The following AAK1 variants were observed in gnomAD, a reference collection of about 807,000 sequenced individuals.
The protein encoded by AAK1 is AP2-associated protein kinase 1.
AAK1 carries 37 observed loss-of-function variants against 116.0 expected under a neutral mutation model. That is an observed-to-expected ratio of 0.32 (90% CI 0.25 to 0.42). The LOEUF is 0.42. Ranked by LOEUF, AAK1 falls within the 10% of genes least tolerant of loss-of-function variation. The probability of loss-of-function intolerance (pLI) is 1.00; values close to 1 mark genes in which losing one functional copy is unlikely to be tolerated. For synonymous variants in AAK1, 458 were observed against 439.9 expected, an observed-to-expected ratio of 1.04 and a Z score of -0.51; for missense variants, 919 against 1,170.6, an observed-to-expected ratio of 0.79 and a Z score of 3.14.
rs553893183 is a variant in AAK1 at position 69,526,705 on chromosome 2, T to G, written c.975+511A>C. 4.6e-5 allele frequency among the ~76,000 whole-genome samples: 7 copies of G among 152,264 alleles called. No homozygotes were observed. The East Asian group carries it at 5.8e-4, about 13-fold the overall frequency. On this transcript the variant is annotated intron_variant, in intron 9 of 21. Coordinates refer to ENST00000409085, the MANE Select transcript of AAK1 (RefSeq NM_014911.5). ...TAGGATTACTAAATGTAGAAAACAT[T>G]CTTATGGCTTGATGTGCTGGAAGGA...
intron 16 of AAK1, among the ~76,000 whole-genome samples, chr2:69,498,009 C>T (rs1020824357): frequency 3.3e-5 from 5 of 152,122 alleles, no homozygotes; most frequent in East Asian, 3.9e-4. Context: ...CTGCTCTGTT[C>T]TCCCTCCACC....
intron 12 of AAK1, among the ~76,000 whole-genome samples, chr2:69,518,168 T>TA (rs1362731687): frequency 1.1e-4 from 17 of 151,986 alleles, no homozygotes; most frequent in African/African-American, 3.9e-4. Flanking sequence ...ACATTCATAG[T>TA]AAAAAATGTG....
In AAK1 at chr2:69,468,764, G is replaced by C. The variant is rs1361119498; in HGVS notation, c.*7105C>G. 3.0e-6 allele frequency: 3 copies of C among 985,274 alleles called. No homozygotes were observed. Among genetic ancestry groups the C allele is most frequent in the Non-Finnish European group, 3.6e-6 (3 of 829,894 alleles). The allele number at this position is 985,274 out of a possible 1,614,324, so 61.0% of individuals were successfully genotyped here. A position where few individuals can be genotyped will look rare whatever the true frequency, so the allele number is the denominator to read the frequency against. ...GTGCTAGATTACATTTTGAGAACTA[G>C]GAAGTACCAAGGGGTGTGTGTATGT... On this transcript the variant is annotated 3_prime_UTR_variant, in exon 22 of 22. Coordinates refer to ENST00000409085, the MANE Select transcript of AAK1 (RefSeq NM_014911.5).
intron 16 of AAK1, among the ~76,000 whole-genome samples, chr2:69,497,295 C>CTTTTTTTTTTT (rs1176401016): frequency 1.3e-4 from 10 of 76,084 alleles, no homozygotes; most frequent in Admixed American, 3.8e-4. Flanking sequence ...CATTATCATT[C>CTTTTTTTTTTT]TTTTTTTTTT....
intron 3 of AAK1, among the ~76,000 whole-genome samples, chr2:69,553,738 G>A (rs372982733): frequency 8.0e-5 from 12 of 150,136 alleles, no homozygotes; most frequent in South Asian, 2.1e-4. Context: ...CACCGTGCCC[G>A]GCCTAGACCT....
At chr2:69,489,182 G>T (rs1240728460) in intron 17 of AAK1, among the ~76,000 whole-genome samples, 2 of 151,414 alleles carry the variant, frequency 1.3e-5, no homozygotes, top group African/African-American at 4.8e-5. Flanking sequence ...CCGGCTATGG[G>T]GCTCACCCCT....
chr2:69,514,885 A>C (rs1229742965), intron 12 of AAK1, 136 bp from the exon 13 acceptor site: 1 of 956,568 alleles, frequency 1.0e-6, no homozygotes, highest in East Asian at 2.7e-5. Flanking sequence ...GGCTAGGCCT[A>C]AAATCTCATG....
intron 2 of AAK1, among the ~76,000 whole-genome samples, chr2:69,631,988 T>A (rs888808773): frequency 2.6e-5 from 4 of 151,640 alleles, no homozygotes; most frequent in Non-Finnish European, 4.4e-5. Context: ...AAAGTATACA[T>A]AATAGGCTAA....
intron 2 of AAK1, among the ~76,000 whole-genome samples, chr2:69,603,142 CA>C (rs1673652182): frequency 6.6e-6 from 1 of 152,144 alleles, no homozygotes; most frequent in Admixed American, 6.6e-5. Context: ...AATAAAGAGG[CA>C]TTTTCAACAT....
At chr2:69,516,959 C>G (rs1676608055) in intron 12 of AAK1, 1 of 152,048 alleles carries the variant, frequency 6.6e-6, no homozygotes, top group Non-Finnish European at 1.5e-5. Flanking sequence ...CGGAGCAGGT[C>G]AAAACTCCAG....
intron 3 of AAK1, among the ~76,000 whole-genome samples, chr2:69,550,691 C>T (rs12613759): frequency 5.3e-5 from 8 of 152,008 alleles, no homozygotes; most frequent in Non-Finnish European, 4.4e-5. Context: ...TCTTGGCTCA[C>T]TGCAACCCGC....
chr2:69,514,706 T>C lies in AAK1; in HGVS notation c.1541A>G (p.Gln514Arg). 6.2e-7 allele frequency: 1 copy of C among 1,611,426 alleles called. No individual in the cohort carries two copies. Among genetic ancestry groups the C allele is most frequent in the Non-Finnish European group, 8.5e-7 (1 of 1,178,172 alleles). ...HPATQKPAIA[Q>R]FPVVSQGGSQ... The stretch of plus-strand genomic sequence containing the variant: ...GCCTCCTTGGGACACCACAGGGAAC[T>C]GAGCAATTGCTGGTTTCTGGGTTGC... The change falls in exon 13 of 22, where the codon CAG becomes CGG. Residue 514 changes from glutamine to arginine, a missense_variant. Gln to Arg is a conservative substitution (Grantham distance 43). Transcript: ENST00000409085.
intron 16 of AAK1, among the ~76,000 whole-genome samples, chr2:69,496,505 C>T (rs1675751687): frequency 6.6e-6 from 1 of 152,118 alleles, no homozygotes; most frequent in Non-Finnish European, 1.5e-5. Context: ...CTCAGGTGAT[C>T]CACCCACCTC....
intron 2 of AAK1, among the ~76,000 whole-genome samples, chr2:69,605,123 T>C (rs2105204050): frequency 6.6e-6 from 1 of 152,296 alleles, no homozygotes; most frequent in East Asian, 1.9e-4. Flanking sequence ...GTCAGCCCAG[T>C]CCTTGTGTCA....
chr2:69,566,517 G>T (rs1190453397), intron 2 of AAK1, among the ~76,000 whole-genome samples: 1 of 152,156 alleles, frequency 6.6e-6, no homozygotes, highest in African/African-American at 2.4e-5. Context: ...ATCAGAGACT[G>T]GCAAACGGTG....
chr2:69,558,125 T>A (rs1671464757), intron 2 of AAK1, among the ~76,000 whole-genome samples: 1 of 152,030 alleles, frequency 6.6e-6, no homozygotes, highest in Admixed American at 6.6e-5. Flanking sequence ...GGCAGATCGC[T>A]TGAGCTCAGG....
chr2:69,578,222 C>T (rs1229222413), intron 2 of AAK1, among the ~76,000 whole-genome samples: 2 of 152,124 alleles, frequency 1.3e-5, no homozygotes, highest in African/African-American at 2.4e-5. Context: ...GATGGGAGTG[C>T]GGAAAATGTT....
intron 2 of AAK1, among the ~76,000 whole-genome samples, chr2:69,566,688 G>C (rs1285058335): frequency 1.3e-5 from 2 of 152,142 alleles, no homozygotes; most frequent in African/African-American, 4.8e-5. Flanking sequence ...TAGGGGTTTG[G>C]CAAGAGTCTC....
intron 2 of AAK1, among the ~76,000 whole-genome samples, chr2:69,589,095 G>T (rs75610606): frequency 0.044 from 6,732 of 152,288 alleles, 404 homozygotes; most frequent in East Asian, 0.16. Flanking sequence ...AAAGATCAAA[G>T]TTCAGGTGAG....
Sources: gnomAD v4.1 joint callset for allele counts (sites outside exome capture counted in the v4.1 genomes callset) on GRCh38, gnomAD v4.1.1 for gene constraint, MANE v1.5 for transcripts, NCBI Gene and HGNC (gene_info 2026-07-23, HGNC 2026-07-21) for gene names.